PBRM1: variants seen among roughly 807,000 people sequenced by gnomAD.
PBRM1 encodes the protein protein polybromo-1.
PBRM1 carries 27 observed loss-of-function variants against 194.5 expected under a neutral mutation model. The observed-to-expected ratio is 0.14, with a 90% CI of 0.10 to 0.19. The LOEUF is 0.19. Ranked by LOEUF, PBRM1 falls within the 10% of genes least tolerant of loss-of-function variation. PBRM1 has a pLI of 1.00. For synonymous variants in PBRM1, 655 were observed against 693.2 expected, an observed-to-expected ratio of 0.94 and a Z score of 0.87; for missense variants, 1,466 against 2,077.2, an observed-to-expected ratio of 0.71 and a Z score of 5.72.
At chr3:52,681,436 G>C (rs1010099249), upstream of PBRM1, among the ~76,000 whole-genome samples, 3 of 152,022 alleles carry the variant, frequency 2.0e-5, no homozygotes, top group Non-Finnish European at 2.9e-5. Context: ...AGTTAAAATC[G>C]TCAAAAGGCT....
intron 12 of PBRM1, among the ~76,000 whole-genome samples, chr3:52,628,364 C>CA (rs557100684): frequency 0.016 from 1,805 of 111,298 alleles, 29 homozygotes; most frequent in African/African-American, 0.049. Flanking sequence ...ATGACAACTC[C>CA]AAAAAAAAAA....
rs749543648 is a variant in PBRM1 at position 52,571,173 on chromosome 3, A to G, written c.3691+5368T>C. 2.6e-5 allele frequency among the ~76,000 whole-genome samples: 4 copies of G among 152,062 alleles called. No individual in the cohort carries two copies. The South Asian group carries it at 8.3e-4, about 32-fold the overall frequency. ...TGCTGTCTCTACTAAATATACAAAA[A>G]TTAGCTGGGCATGGTGGCACACGCC... On this transcript the variant is annotated intron_variant, in intron 22 of 29. Transcript: ENST00000296302.
At chr3:52,644,043 T>G (rs974486816) in intron 8 of PBRM1, among the ~76,000 whole-genome samples, 1 of 151,886 alleles carries the variant, frequency 6.6e-6, no homozygotes. Context: ...ACCTGCTAAA[T>G]AGCCTTACCA....
intron 20 of PBRM1, among the ~76,000 whole-genome samples, chr3:52,583,638 T>C (rs1369025186): frequency 6.6e-6 from 1 of 152,210 alleles, no homozygotes; most frequent in African/African-American, 2.4e-5. Context: ...TAAAGAGCTC[T>C]TTGTATATTA....
chr3:52,652,539 A>T (rs1357504616), intron 5 of PBRM1, among the ~76,000 whole-genome samples: 1 of 151,318 alleles, frequency 6.6e-6, no homozygotes, highest in African/African-American at 2.4e-5. Context: ...ATAGAAAAAA[A>T]ATTGGCTGGG....
chr3:52,659,413 T>C (rs920405767), intron 4 of PBRM1, among the ~76,000 whole-genome samples: 1 of 152,202 alleles, frequency 6.6e-6, no homozygotes, highest in Non-Finnish European at 1.5e-5. Flanking sequence ...TTATTTAGTA[T>C]AGTCTCAATT....
At chr3:52,650,475 T>C (rs2096460719) in intron 6 of PBRM1, among the ~76,000 whole-genome samples, 1 of 151,240 alleles carries the variant, frequency 6.6e-6, no homozygotes, top group Non-Finnish European at 1.5e-5. Context: ...ACACTGTTAC[T>C]CTTTACTACT....
rs775162970 is a variant in PBRM1 at position 52,548,092 on chromosome 3, G to A, written c.5041C>T (p.Arg1681Cys). Residue 1681 changes from arginine to cysteine, a missense_variant, in exon 30 of 30, where the codon CGC (arginine) becomes TGC (cysteine). By Grantham distance (180) the Arg-to-Cys change is radical. Coordinates refer to ENST00000296302, the Ensembl canonical transcript of PBRM1. ...ACATTTTCTAGGTTGTATGCTTGGC[G>A]AATGTTGAGGGTGTCCCGGAGCATC... The A allele has an allele frequency of 1.6e-5, 25 of 1,610,068 alleles. 1 individual carries two copies. The Admixed American group carries it at 2.7e-4, about 17-fold the overall frequency.
intron 22 of PBRM1, among the ~76,000 whole-genome samples, chr3:52,576,182 A>G (rs1251001395): frequency 6.6e-6 from 1 of 152,282 alleles, no homozygotes; most frequent in African/African-American, 2.4e-5. Flanking sequence ...AGAAATGGCC[A>G]AAAACTCCCC....
At position 52,548,238 on chromosome 3, in the gene PBRM1, G is replaced by T. The variant is rs1553690736; in HGVS notation, c.4898-3C>A. On this transcript the variant is annotated splice_polypyrimidine_tract_variant and splice_region_variant and intron_variant, in intron 29 of 29. Transcript: ENST00000296302. Reference sequence around the variant, plus strand: ...CAAATGGACGTCGCGTCTTCGAGCTGAAAATTAAAGTACAGAGAGACAGAA... The same window carrying T: ...CAAATGGACGTCGCGTCTTCGAGCTTAAAATTAAAGTACAGAGAGACAGAA... The T allele has an allele frequency of 3.8e-6, 6 of 1,570,436 alleles. No homozygotes were observed. In the South Asian group the frequency reaches 4.8e-5, roughly 13 times the overall value.
At chr3:52,550,074 C>T (rs533881585) in intron 29 of PBRM1, among the ~76,000 whole-genome samples, 123 of 152,114 alleles carry the variant, frequency 8.1e-4, no homozygotes, top group African/African-American at 2.9e-3. Context: ...AAACATTAGC[C>T]AGGTGTGGTG....
At chr3:52,579,305 C>A (rs1033716992) in intron 20 of PBRM1, 106 bp from the exon 23 acceptor site, 7 of 1,074,010 alleles carry the variant, frequency 6.5e-6, no homozygotes, top group Admixed American at 5.8e-5. Context: ...AAAGAAAAAA[C>A]CACCATTGGT....
chr3:52,573,059 C>G (rs1158220079), intron 22 of PBRM1, among the ~76,000 whole-genome samples: 1 of 152,084 alleles, frequency 6.6e-6, no homozygotes, highest in Non-Finnish European at 1.5e-5. Flanking sequence ...GTTGTCCTAC[C>G]TGATATTACT....
At chr3:52,601,371 T>G (rs1052504242) in intron 17 of PBRM1, among the ~76,000 whole-genome samples, 3 of 152,160 alleles carry the variant, frequency 2.0e-5, no homozygotes, top group Non-Finnish European at 4.4e-5. Flanking sequence ...TGGGATGGTT[T>G]CAGGATGAAA....
upstream of PBRM1, chr3:52,679,864 T>G (rs1017229886): frequency 1.4e-5 from 7 of 507,246 alleles, no homozygotes; most frequent in Non-Finnish European, 2.0e-5. Flanking sequence ...CTATAAGTTT[T>G]TTTTTTTTTT....
chr3:52,639,512 C>T (rs1174284690), intron 10 of PBRM1, among the ~76,000 whole-genome samples: 1 of 151,748 alleles, frequency 6.6e-6, no homozygotes, highest in African/African-American at 2.4e-5. Context: ...ACCTCCCAGG[C>T]TCAAGTGATC....
intron 22 of PBRM1, among the ~76,000 whole-genome samples, chr3:52,569,714 A>G (rs1170398447): frequency 1.3e-5 from 2 of 152,214 alleles, no homozygotes; most frequent in Non-Finnish European, 2.9e-5. Context: ...TTTTTCATAC[A>G]GATGTGGCAT....
chr3:52,607,783 T>C (rs2094423307), intron 16 of PBRM1, among the ~76,000 whole-genome samples: 1 of 151,744 alleles, frequency 6.6e-6, no homozygotes, highest in Non-Finnish European at 1.5e-5. Context: ...ACTCCAAGAG[T>C]TTTTGACTGC....
At chr3:52,576,343 A>C (rs886857284) in intron 22 of PBRM1, among the ~76,000 whole-genome samples, 198 bp downstream of exon 24, 1 of 152,080 alleles carries the variant, frequency 6.6e-6, no homozygotes, top group Non-Finnish European at 1.5e-5. Context: ...GTTGTGCCCT[A>C]ATTACCACCT....
Sources: gnomAD v4.1 joint callset for allele counts (sites outside exome capture counted in the v4.1 genomes callset) on GRCh38, gnomAD v4.1.1 for gene constraint, MANE v1.5 for transcripts, NCBI Gene and HGNC (gene_info 2026-07-23, HGNC 2026-07-21) for gene names.